The following PLPP4 variants were observed in gnomAD, a reference collection of about 807,000 sequenced individuals.
PLPP4 encodes the protein phospholipid phosphatase 4, also known as diacylglycerol pyrophosphate like 2.
In PLPP4, 20 loss-of-function variants were observed where a neutral mutation model predicts 32.2. The observed-to-expected ratio is 0.62, with a 90% CI of 0.44 to 0.90. PLPP4 has a LOEUF of 0.90. Among genes scored for constraint, PLPP4 ranks in the 40% least tolerant of loss-of-function variants. The probability of loss-of-function intolerance (pLI) is 0.00; values close to 1 mark genes in which losing one functional copy is unlikely to be tolerated. For missense variants in PLPP4, 257 were observed against 353.1 expected, an observed-to-expected ratio of 0.73 and a Z score of 2.18; for synonymous variants, 127 against 133.0, an observed-to-expected ratio of 0.95 and a Z score of 0.31.
chr10:120,461,207 A>G (rs1848030318), intron 1 of PLPP4, among the ~76,000 whole-genome samples: 1 of 152,238 alleles, frequency 6.6e-6, no homozygotes, highest in South Asian at 2.1e-4. Flanking sequence ...AGATTTTAAG[A>G]GTACGATGTG....
chr10:120,460,561 T>C (rs1847996643), intron 1 of PLPP4, among the ~76,000 whole-genome samples: 1 of 152,206 alleles, frequency 6.6e-6, no homozygotes, highest in African/African-American at 2.4e-5. Context: ...GTATGCCATT[T>C]AGCCTGATGA....
chr10:120,587,122 AAGC>A (rs1849801911), intron 6 of PLPP4: 1 of 152,856 alleles, frequency 6.5e-6, no homozygotes, highest in African/African-American at 2.4e-5. Context: ...CCAAGAGGAG[AAGC>A]AGCACATGTA....
chr10:120,584,848 C>A (rs1849679374), intron 6 of PLPP4, among the ~76,000 whole-genome samples: 2 of 152,174 alleles, frequency 1.3e-5, no homozygotes, highest in African/African-American at 2.4e-5. Flanking sequence ...CTCATAGACT[C>A]CCATAGCACC....
rs141116849 is a variant in PLPP4 at position 120,541,556 on chromosome 10, G to A, written c.445+20461G>A. ...TGCATTCTTAATGATGTCCTCCATG[G>A]CATGTGTTTTGCTGTGAGGGGGGAC... On this transcript the variant is annotated intron_variant, in intron 5 of 6. Transcript: ENST00000398250. 2.6e-5 allele frequency among the ~76,000 whole-genome samples: 4 copies of A among 152,234 alleles called. No homozygotes were observed. In the East Asian group the frequency reaches 5.8e-4, roughly 22 times the overall value.
At chr10:120,543,353 C>G (rs12412235) in intron 5 of PLPP4, among the ~76,000 whole-genome samples, 1 of 152,166 alleles carries the variant, frequency 6.6e-6, no homozygotes, top group Non-Finnish European at 1.5e-5. Flanking sequence ...TCTCAGGGTT[C>G]CCTGCTGTTA....
rs561881445 is a variant in PLPP4, at chr10:120,499,249, G to A, written c.57-4569G>A. Reference sequence around the variant, plus strand: ...TGGCAGGGCTATAGTCCTCTACGCTGAATGGCTTCAGGTTGCTGTGCCTTT... The same window carrying A: ...TGGCAGGGCTATAGTCCTCTACGCTAAATGGCTTCAGGTTGCTGTGCCTTT... On this transcript the variant is annotated intron_variant, in intron 1 of 6. Transcript: ENST00000398250. 6.0e-4 allele frequency among the ~76,000 whole-genome samples: 91 copies of A among 152,276 alleles called. 1 individual carries two copies. The highest frequency in any genetic ancestry group is 2.1e-3 in the African/African-American group (87 of 41,558).
At chr10:120,566,503 C>T (rs1164406035) in intron 5 of PLPP4, among the ~76,000 whole-genome samples, 1 of 151,916 alleles carries the variant, frequency 6.6e-6, no homozygotes, top group African/African-American at 2.4e-5. Context: ...GGTGTCCTTG[C>T]CGTTTCCTTC....
chr10:120,463,599 A>G (rs1185664913), intron 1 of PLPP4, among the ~76,000 whole-genome samples: 4 of 152,208 alleles, frequency 2.6e-5, no homozygotes, highest in Non-Finnish European at 5.9e-5. Context: ...TCCCTATTGC[A>G]TACATGTAGT....
intron 5 of PLPP4, among the ~76,000 whole-genome samples, chr10:120,561,811 G>T (rs1195019681): frequency 6.6e-6 from 1 of 152,204 alleles, no homozygotes; most frequent in African/African-American, 2.4e-5. Flanking sequence ...ACACATGCCA[G>T]TTATATTTAC....
At chr10:120,550,130 A>T (rs2133983508) in intron 5 of PLPP4, among the ~76,000 whole-genome samples, 1 of 152,160 alleles carries the variant, frequency 6.6e-6, no homozygotes, top group Non-Finnish European at 1.5e-5. Flanking sequence ...ATCATAGGAT[A>T]CAAGGTCAAT....
rs534282710 is a variant in PLPP4 at position 120,589,567 on chromosome 10, A to G, written c.*65A>G. On this transcript the variant is annotated 3_prime_UTR_variant, in exon 7 of 7. Coordinates refer to ENST00000398250, the MANE Select transcript of PLPP4 (RefSeq NM_001030059.3). Reference sequence around the variant, plus strand: ...TCTGCCACCCTGACATCATAACACAATAGAAATGGTTTTCTGTAGTGTATT... The same window carrying G: ...TCTGCCACCCTGACATCATAACACAGTAGAAATGGTTTTCTGTAGTGTATT... The G allele has an allele frequency of 1.6e-6, 2 of 1,268,826 alleles. No individual in the cohort carries two copies. Among genetic ancestry groups the G allele is most frequent in the East Asian group, 4.7e-5 (2 of 42,322 alleles). 78.6% of individuals were successfully genotyped at this position (1,268,826 alleles called of 1,614,324 possible). A position where few individuals can be genotyped will look rare whatever the true frequency, so the allele number is the denominator to read the frequency against.
intron 5 of PLPP4, among the ~76,000 whole-genome samples, chr10:120,555,118 A>G (rs1848095538): frequency 1.3e-5 from 2 of 152,070 alleles, no homozygotes; most frequent in Admixed American, 1.3e-4. Context: ...AGTGGGGAAA[A>G]TACAGGTAAA....
chr10:120,495,215 G>A (rs1412248235), intron 1 of PLPP4, among the ~76,000 whole-genome samples: 1 of 152,076 alleles, frequency 6.6e-6, no homozygotes, highest in Non-Finnish European at 1.5e-5. Context: ...AGCAGCAAGT[G>A]AAGGGCTTGG....
intron 6 of PLPP4, 97 bp downstream of exon 6, chr10:120,575,398 C>T: frequency 1.5e-6 from 2 of 1,317,226 alleles, no homozygotes; most frequent in Non-Finnish European, 2.1e-6. Context: ...GAGCTAAGTG[C>T]CCATTGTCCA....
chr10:120,508,753 C>T (rs1303251582), intron 2 of PLPP4, among the ~76,000 whole-genome samples: 2 of 152,118 alleles, frequency 1.3e-5, no homozygotes, highest in Non-Finnish European at 2.9e-5. Context: ...GAGTTAGGCT[C>T]CCTCTTCTCT....
At chr10:120,544,962 C>T (rs568072540) in intron 5 of PLPP4, among the ~76,000 whole-genome samples, 1 of 152,328 alleles carries the variant, frequency 6.6e-6, no homozygotes, top group East Asian at 1.9e-4. Flanking sequence ...TTGTCAGGGC[C>T]AGGGATTCTC....
chr10:120,511,587 C>T (rs893029990), intron 2 of PLPP4, among the ~76,000 whole-genome samples: 2 of 152,128 alleles, frequency 1.3e-5, no homozygotes, highest in African/African-American at 2.4e-5. Flanking sequence ...GGTCTGTATG[C>T]AGTGCTTAAA....
rs58426120 is a variant in PLPP4 at position 120,552,165 on chromosome 10, G to GGTGTGTGTGTGTGTGTGT, written c.446-22940_446-22923dup. Among the ~76,000 whole-genome samples, 143 of 138,630 alleles carry GGTGTGTGTGTGTGTGTGT rather than the reference G, an allele frequency of 1.0e-3. 1 individual carries two copies. The highest frequency in any genetic ancestry group is 4.5e-3 in the South Asian group (18 of 4,000). The allele number at this position is 138,630 out of a possible 152,430, so 90.9% of individuals were successfully genotyped here. On this transcript the variant is annotated intron_variant, in intron 5 of 6. Transcript: ENST00000398250. ...GTGATTGTGTTGTTAGTGGTGGTGG[G>GGTGTGTGTGTGTGTGTGT]GTGTGTGTGTGTGTGTGTGTGTGTG...
chr10:120,554,880 T>C (rs572228997), intron 5 of PLPP4, among the ~76,000 whole-genome samples: 2 of 152,210 alleles, frequency 1.3e-5, no homozygotes, highest in Non-Finnish European at 2.9e-5. Context: ...TCCTCCAACA[T>C]TGGGGATTAC....
Sources: allele counts gnomAD v4.1 joint callset (sites outside exome capture counted in the v4.1 genomes callset), GRCh38; gene constraint gnomAD v4.1.1; transcripts MANE v1.5; gene names NCBI Gene and HGNC (gene_info 2026-07-23, HGNC 2026-07-21).